CNTN5: variants seen among roughly 807,000 people sequenced by gnomAD.
The protein encoded by CNTN5 is contactin 5.
In CNTN5, 77 loss-of-function variants were observed where a neutral mutation model predicts 129.1. The observed-to-expected ratio is 0.60, with a 90% CI of 0.50 to 0.72. The LOEUF (loss-of-function observed/expected upper bound fraction) is 0.72. Among genes scored for constraint, CNTN5 ranks in the 30% least tolerant of loss-of-function variants. The pLI, the probability that CNTN5 is intolerant of heterozygous loss-of-function variation, is 0.00. For missense variants in CNTN5, 1,478 were observed against 1,328.8 expected, an observed-to-expected ratio of 1.11 and a Z score of -1.75; for synonymous variants, 509 against 465.6, an observed-to-expected ratio of 1.09 and a Z score of -1.20.
At chr11:99,526,846 A>G (rs948820645) in intron 2 of CNTN5, among the ~76,000 whole-genome samples, 1 of 152,232 alleles carries the variant, frequency 6.6e-6, no homozygotes. Flanking sequence ...CAGCCAACAC[A>G]CAGAAAAGTA....
chr11:99,338,479 G>A (rs1460995905), intron 2 of CNTN5, among the ~76,000 whole-genome samples: 2 of 152,120 alleles, frequency 1.3e-5, no homozygotes, highest in African/African-American at 2.4e-5. Flanking sequence ...TCTTACGGCA[G>A]AGAACAGTTG....
At position 99,388,982 on chromosome 11, in the gene CNTN5, C is replaced by CTTATTTTAT. The variant is rs1555129824; in HGVS notation, c.-71+63501_-71+63509dup. On this transcript the variant is annotated intron_variant, in intron 2 of 24. Coordinates refer to ENST00000524871, the MANE Select transcript of CNTN5 (RefSeq NM_014361.4). ...ATTTAAGACACCTAATTCTCCAGTCCTTATTTTATTTTATTTTATTTTATT... is the reference window on the plus strand; with the variant it reads ...ATTTAAGACACCTAATTCTCCAGTCCTTATTTTATTTATTTTATTTTATTTTATTTTATT... Among the ~76,000 whole-genome samples the CTTATTTTAT allele has an allele frequency of 4.2e-5, 5 of 120,380 alleles. No homozygotes were observed. In the Admixed American group the frequency reaches 4.3e-4, roughly 10 times the overall value. The allele number at this position is 120,380 out of a possible 152,430, so 79.0% of individuals were successfully genotyped here.
At chr11:99,073,574 G>T (rs1865433027) in intron 1 of CNTN5, among the ~76,000 whole-genome samples, 1 of 151,362 alleles carries the variant, frequency 6.6e-6, no homozygotes, top group Admixed American at 6.6e-5. Flanking sequence ...GACAGGCCAT[G>T]GTATATGATG....
At chr11:100,308,657 G>A in intron 21 of CNTN5, 189 bp downstream of exon 21, 5 of 1,282,236 alleles carry the variant, frequency 3.9e-6, no homozygotes, top group Non-Finnish European at 4.9e-6. Context: ...TTATTTTTCA[G>A]TACAGTAGCT....
chr11:99,868,866 G>T (rs1220660495), intron 6 of CNTN5, among the ~76,000 whole-genome samples: 2 of 152,116 alleles, frequency 1.3e-5, no homozygotes. Flanking sequence ...TTTAAATGAT[G>T]AAACCATGTT....
At chr11:99,070,986 C>T (rs982116303) in intron 1 of CNTN5, among the ~76,000 whole-genome samples, 3 of 151,992 alleles carry the variant, frequency 2.0e-5, no homozygotes, top group South Asian at 4.1e-4. Context: ...AGTCTGTGAC[C>T]GGTCCTGATA....
At chr11:100,168,063 T>C (rs2138393695) in intron 13 of CNTN5, among the ~76,000 whole-genome samples, 1 of 151,994 alleles carries the variant, frequency 6.6e-6, no homozygotes, top group Non-Finnish European at 1.5e-5. Context: ...TCTTCAATTC[T>C]ATAAAGTTTG....
At chr11:99,368,458 A>G (rs1407525769) in intron 2 of CNTN5, among the ~76,000 whole-genome samples, 1 of 152,008 alleles carries the variant, frequency 6.6e-6, no homozygotes, top group Non-Finnish European at 1.5e-5. Flanking sequence ...CCTGGACAAC[A>G]TAGTGCAACT....
intron 13 of CNTN5, among the ~76,000 whole-genome samples, chr11:100,139,190 CAG>C (rs1946615357): frequency 6.6e-6 from 1 of 152,012 alleles, no homozygotes; most frequent in South Asian, 2.1e-4. Context: ...GATGTAGTCA[CAG>C]GGCAGAGATA....
chr11:99,735,388 G>A (rs1440432443), intron 3 of CNTN5, among the ~76,000 whole-genome samples: 1 of 152,070 alleles, frequency 6.6e-6, no homozygotes, highest in Admixed American at 6.5e-5. Flanking sequence ...AAAGTAGAAG[G>A]TATATGTTTA....
chr11:100,336,429 TTTC>T (rs1455679885), intron 21 of CNTN5, among the ~76,000 whole-genome samples: 15 of 152,158 alleles, frequency 9.9e-5, no homozygotes, highest in African/African-American at 3.6e-4. Flanking sequence ...TAAGAAAATA[TTTC>T]TATATAAGAG....
At position 100,287,699 on chromosome 11, in the gene CNTN5, C is replaced by T. The variant is rs1468893688; in HGVS notation, c.2315-9926C>T. Among the ~76,000 whole-genome samples the T allele has an allele frequency of 5.3e-5, 8 of 152,224 alleles. No individual in the cohort carries two copies. In the East Asian group the frequency reaches 1.2e-3, roughly 22 times the overall value. On this transcript the variant is annotated intron_variant, in intron 18 of 24. Coordinates refer to ENST00000524871, the MANE Select transcript of CNTN5 (RefSeq NM_014361.4). ...CGAGACTAGGAAGAAACTGCATCAA[C>T]TAATGAGCAAAATAACCAGCTAACA...
chr11:99,665,913 C>T (rs1189784421), intron 3 of CNTN5, among the ~76,000 whole-genome samples: 1 of 152,012 alleles, frequency 6.6e-6, no homozygotes, highest in African/African-American at 2.4e-5. Flanking sequence ...GTAAAAACCT[C>T]ACCTTAGAAG....
chr11:99,134,931 C>T (rs923131124), intron 1 of CNTN5, among the ~76,000 whole-genome samples: 6 of 152,148 alleles, frequency 3.9e-5, no homozygotes, highest in East Asian at 1.9e-4. Context: ...TGCAGAAACT[C>T]TAAAAGATAA....
In CNTN5 at chr11:100,002,103, C is replaced by G; in HGVS notation, c.947C>G (p.Thr316Arg). The change falls in exon 9 of 25, where the codon ACA becomes AGA. Residue 316 changes from threonine (T) to arginine (R), a missense_variant. Transcript: ENST00000524871. ...TTCACGGTTACAGCTGCTAAAGGAA[C>G]AACTGTTAAGATGGAATGCTTTGCA... ...FPFTVTAAKG[T>R]TVKMECFALG... 1 of 1,595,136 alleles carries G rather than the reference C, an allele frequency of 6.3e-7. No individual in the cohort carries two copies. The highest frequency in any genetic ancestry group is 1.1e-5 in the South Asian group (1 of 87,026).
chr11:100,183,123 C>A (rs1237251064), intron 13 of CNTN5, among the ~76,000 whole-genome samples: 1 of 152,082 alleles, frequency 6.6e-6, no homozygotes, highest in Non-Finnish European at 1.5e-5. Context: ...CGAAGTGCTG[C>A]AAGAGCTCTC....
At chr11:99,050,859 C>T (rs554412260) in intron 1 of CNTN5, among the ~76,000 whole-genome samples, 14 of 151,966 alleles carry the variant, frequency 9.2e-5, no homozygotes, top group African/African-American at 3.4e-4. Flanking sequence ...TTTTTAACTA[C>T]AGCTTGCTCT....
intron 1 of CNTN5, among the ~76,000 whole-genome samples, chr11:99,322,428 A>G (rs1565490032): frequency 6.6e-6 from 1 of 152,150 alleles, no homozygotes; most frequent in Non-Finnish European, 1.5e-5. Flanking sequence ...TTTTTTAAAA[A>G]TCTCATATCT....
rs534768783 is a variant in CNTN5, at chr11:99,602,274, C to T, written c.55+46005C>T. On this transcript the variant is annotated intron_variant, in intron 3 of 24. Coordinates refer to ENST00000524871, the MANE Select transcript of CNTN5 (RefSeq NM_014361.4). Reference sequence around the variant, plus strand: ...TTCTAGTTTCTATCTTGATTATTTACTTTATTGAATAATAATAATAAGAAA... The same window carrying T: ...TTCTAGTTTCTATCTTGATTATTTATTTTATTGAATAATAATAATAAGAAA... 4.4e-4 allele frequency among the ~76,000 whole-genome samples: 67 copies of T among 151,980 alleles called. 3 individuals carry two copies. The highest frequency in any genetic ancestry group is 7.9e-4 in the Non-Finnish European group (54 of 67,988).
Sources: allele counts gnomAD v4.1 joint callset (sites outside exome capture counted in the v4.1 genomes callset), GRCh38; gene constraint gnomAD v4.1.1; transcripts MANE v1.5; gene names NCBI Gene and HGNC (gene_info 2026-07-23, HGNC 2026-07-21).